Variants in DNAH8 observed in about 807,000 individuals in gnomAD.
DNAH8 encodes dynein axonemal heavy chain 8.
In DNAH8, 382 loss-of-function variants were observed where a neutral mutation model predicts 562.1. That is an observed-to-expected ratio of 0.68 (90% CI 0.63 to 0.74). The LOEUF (loss-of-function observed/expected upper bound fraction) is 0.74, where lower values mean the gene tolerates loss of function less well. Among genes scored for constraint, DNAH8 ranks in the 30% least tolerant of loss-of-function variants. The pLI, the probability that DNAH8 is intolerant of heterozygous loss-of-function variation, is 0.00. For missense variants in DNAH8, 5,203 were observed against 5,620.4 expected (o/e 0.93, Z 2.37); for synonymous variants, 1,881 against 1,919.4 (o/e 0.98, Z 0.52).
rs1765299368 is a variant in DNAH8 at position 38,750,047 on chromosome 6, T to C, written c.1294-429T>C. ...CGGGGTTTCACCGTGTTAGCTAGGA[T>C]GGTCTCGATCTCCTGACCTTGTGAT... On this transcript the variant is annotated intron_variant, in intron 8 of 92. Coordinates refer to ENST00000327475, the MANE Select transcript of DNAH8 (RefSeq NM_001206927.2). Among the ~76,000 whole-genome samples, 6 of 152,294 alleles carry C rather than the reference T, an allele frequency of 3.9e-5. No individual in the cohort carries two copies. In the South Asian group the frequency reaches 1.2e-3, roughly 32 times the overall value.
intron 53 of DNAH8, among the ~76,000 whole-genome samples, chr6:38,877,113 A>G (rs1436720804): frequency 1.3e-5 from 2 of 152,170 alleles, no homozygotes; most frequent in Non-Finnish European, 1.5e-5. Flanking sequence ...CCGGAGTTCT[A>G]TGATGTTTAA....
In DNAH8 at chr6:38,990,719, CG is replaced by C. The variant is rs372034691; in HGVS notation, c.13214+550del. ...AGTACCCGACACAGATGCACAGCCCCGGGAGGAAAGAGTGGAGGGGCTCAGC... is the reference window on the plus strand; with the variant it reads ...AGTACCCGACACAGATGCACAGCCCCGGAGGAAAGAGTGGAGGGGCTCAGC... On this transcript the variant is annotated intron_variant, in intron 88 of 92. Transcript: ENST00000327475. Among the ~76,000 whole-genome samples, 112 of 152,290 alleles carry C rather than the reference CG, an allele frequency of 7.4e-4. 4 individuals carry two copies. In the South Asian group the frequency reaches 0.023, roughly 31 times the overall value.
chr6:38,840,963 A>AT (rs1209388888), intron 33 of DNAH8, among the ~76,000 whole-genome samples: 6 of 151,446 alleles, frequency 4.0e-5, no homozygotes, highest in African/African-American at 7.3e-5. Context: ...CTCTTTTCTT[A>AT]TTTTTTTTAG....
At chr6:38,975,338 T>C (rs1160219711) in intron 85 of DNAH8, among the ~76,000 whole-genome samples, 2 of 152,228 alleles carry the variant, frequency 1.3e-5, no homozygotes, top group Non-Finnish European at 2.9e-5. Flanking sequence ...ATTGAAGAGA[T>C]TCCTTTAAGC....
At chr6:38,766,683 C>T (rs1434283098) in intron 11 of DNAH8, among the ~76,000 whole-genome samples, 2 of 151,916 alleles carry the variant, frequency 1.3e-5, no homozygotes, top group Non-Finnish European at 2.9e-5. Context: ...GGTCACACCC[C>T]CAACCCCAAA....
intron 82 of DNAH8, among the ~76,000 whole-genome samples, chr6:38,951,971 G>A (rs910682612): frequency 2.0e-5 from 3 of 152,160 alleles, no homozygotes; most frequent in African/African-American, 7.2e-5. Context: ...ATTCAGTACA[G>A]GCAGTGTGCT....
intron 13 of DNAH8, among the ~76,000 whole-genome samples, chr6:38,778,046 TAA>T (rs1768236443): frequency 6.6e-6 from 1 of 152,244 alleles, no homozygotes; most frequent in Non-Finnish European, 1.5e-5. Flanking sequence ...TTAATTTTAA[TAA>T]AGACTCTATT....
intron 83 of DNAH8, among the ~76,000 whole-genome samples, chr6:38,973,171 A>T (rs1205261941): frequency 6.6e-6 from 1 of 152,170 alleles, no homozygotes; most frequent in African/African-American, 2.4e-5. Flanking sequence ...GAGTGATGAT[A>T]AAGAATAAAG....
chr6:38,748,871 A>G (rs1765183597), intron 8 of DNAH8, among the ~76,000 whole-genome samples: 1 of 151,906 alleles, frequency 6.6e-6, no homozygotes, highest in Non-Finnish European at 1.5e-5. Flanking sequence ...TAAAGACTTA[A>G]CAGTTTTAGT....
intron 5 of DNAH8, 77 bp downstream of exon 5, chr6:38,734,702 CT>C: frequency 6.7e-7 from 1 of 1,488,816 alleles, no homozygotes; most frequent in Non-Finnish European, 9.1e-7. Flanking sequence ...CTTTACTTTG[CT>C]TTCCCTTTTT....
At position 38,889,615 on chromosome 6, in the gene DNAH8, C is replaced by G. The variant is rs1779196455; in HGVS notation, c.8474-1037C>G. Among the ~76,000 whole-genome samples, 3 of 152,200 alleles carry G rather than the reference C, an allele frequency of 2.0e-5. No homozygotes were observed. The South Asian group carries it at 6.2e-4, about 32-fold the overall frequency. ...ACTGAGCCTCAGAGAAGTGAGATAA[C>G]TGCCCAATCAAGGCCTTTTAGCTAG... is the stretch of plus-strand genomic sequence containing the variant. On this transcript the variant is annotated intron_variant, in intron 57 of 92. Coordinates refer to ENST00000327475, the MANE Select transcript of DNAH8 (RefSeq NM_001206927.2).
At chr6:38,764,847 T>TG in intron 11 of DNAH8, among the ~76,000 whole-genome samples, 1 of 152,098 alleles carries the variant, frequency 6.6e-6, no homozygotes. Context: ...TTAAATGTTT[T>TG]TTTTTGAGAC....
At chr6:38,871,940 G>C (rs775090760) in intron 49 of DNAH8, among the ~76,000 whole-genome samples, 1 of 152,172 alleles carries the variant, frequency 6.6e-6, no homozygotes, top group Non-Finnish European at 1.5e-5. Flanking sequence ...AGTCTCCCGA[G>C]GGATCAGGCT....
intron 63 of DNAH8, among the ~76,000 whole-genome samples, chr6:38,907,389 A>C (rs939445809): frequency 6.6e-6 from 1 of 152,210 alleles, no homozygotes; most frequent in Non-Finnish European, 1.5e-5. Context: ...AGATTCCTAG[A>C]AGGAAAGCAG....
chr6:38,773,351 G>A (rs997111568), intron 12 of DNAH8, among the ~76,000 whole-genome samples: 6 of 152,084 alleles, frequency 3.9e-5, no homozygotes, highest in African/African-American at 1.4e-4. Context: ...TAGTGGTAAA[G>A]ATCTTTGGGG....
At chr6:38,945,376 G>T in intron 79 of DNAH8, 91 bp from the exon 80 acceptor site, 2 of 1,333,620 alleles carry the variant, frequency 1.5e-6, no homozygotes, top group Non-Finnish European at 2.1e-6. Flanking sequence ...TTTCAGTAAT[G>T]TGGCTATTTT....
chr6:38,860,271 C>G (rs573989891), intron 42 of DNAH8, among the ~76,000 whole-genome samples, 186 bp from the exon 43 acceptor site: 4 of 152,254 alleles, frequency 2.6e-5, no homozygotes, highest in African/African-American at 9.6e-5. Flanking sequence ...TCTGTAAGCT[C>G]TGGAAGCCTG....
intron 11 of DNAH8, among the ~76,000 whole-genome samples, chr6:38,762,109 T>A (rs1328499367): frequency 6.6e-6 from 1 of 152,144 alleles, no homozygotes; most frequent in African/African-American, 2.4e-5. Flanking sequence ...TTTGCATTGG[T>A]TAGGATTACC....
chr6:38,750,503 A>G lies in DNAH8; in HGVS notation c.1321A>G (p.Thr441Ala), dbSNP rs1765346927. The change falls in exon 9 of 93, where the codon ACT (threonine) becomes GCT (alanine). Residue 441 changes from threonine to alanine, a missense_variant. Thr to Ala is a moderately conservative substitution (Grantham distance 58). Transcript: ENST00000327475. ...KNWRDLDARI[T>A]DTANESKDNV... is the part of the protein sequence containing the mutation. ...TTGGCGTGATTTGGATGCAAGAATC[A>G]CTGATACAGCAAATGAATCCAAAGA... is the stretch of plus-strand genomic sequence containing the variant. 6.2e-7 allele frequency: 1 copy of G among 1,611,302 alleles called. No individual in the cohort carries two copies. The highest frequency in any genetic ancestry group is 8.5e-7 in the Non-Finnish European group (1 of 1,178,784).
Sources: gnomAD v4.1 joint callset for allele counts (sites outside exome capture counted in the v4.1 genomes callset) on GRCh38, gnomAD v4.1.1 for gene constraint, MANE v1.5 for transcripts, NCBI Gene and HGNC (gene_info 2026-07-23, HGNC 2026-07-21) for gene names.